Variants in PHLPP1 observed in about 807,000 individuals in gnomAD.
PHLPP1 encodes PH domain and leucine rich repeat protein phosphatase 1, also known as PH domain leucine-rich repeat-containing protein phosphatase 1.
A neutral mutation model predicts 117.2 loss-of-function variants in PHLPP1; 42 were observed. The ratio of observed to expected loss-of-function variants is 0.36; its 90% CI spans 0.28 to 0.46. The LOEUF (loss-of-function observed/expected upper bound fraction) is 0.46, where lower values mean the gene tolerates loss of function less well. PHLPP1 is among the 20% of genes least tolerant of loss of function. The probability of loss-of-function intolerance (pLI) is 1.00; values close to 1 mark genes in which losing one functional copy is unlikely to be tolerated. For synonymous variants in PHLPP1, 1,042 were observed against 970.7 expected (o/e 1.07, Z -1.37); for missense variants, 2,084 against 2,241.9 (o/e 0.93, Z 1.42).
At chr18:62,891,217 C>G (rs1916398942) in intron 4 of PHLPP1, among the ~76,000 whole-genome samples, 1 of 152,188 alleles carries the variant, frequency 6.6e-6, no homozygotes, top group African/African-American at 2.4e-5. Flanking sequence ...CTTCTTTGCT[C>G]TCAAATATTG....
chr18:62,884,657 C>T (rs2144387763), intron 4 of PHLPP1, among the ~76,000 whole-genome samples: 1 of 152,272 alleles, frequency 6.6e-6, no homozygotes, highest in Non-Finnish European at 1.5e-5. Context: ...GCATGTGCCC[C>T]ACAGAGGAAA....
intron 9 of PHLPP1, 79 bp downstream of exon 9, chr18:62,915,087 G>T (rs1259011711): frequency 3.0e-6 from 3 of 1,004,304 alleles, no homozygotes; most frequent in Non-Finnish European, 4.6e-6. Flanking sequence ...GTTTAACTTG[G>T]TATCATAAGC....
chr18:62,895,947 T>G lies in PHLPP1; in HGVS notation c.2380T>G (p.Cys794Gly). Reference protein sequence around the residue: ...AVDKLCMSGNCVETLRLQALR... With the variant: ...AVDKLCMSGNGVETLRLQALR... Reference sequence around the variant, plus strand: ...GGATAAACTTTGTATGTCTGGAAACTGTGTGGAGACCCTTAGGCTACAGGC... The same window carrying G: ...GGATAAACTTTGTATGTCTGGAAACGGTGTGGAGACCCTTAGGCTACAGGC... Residue 794 changes from cysteine to glycine, a missense_variant, in exon 6 of 17, where the codon TGT becomes GGT. This residue lies in a region of PHLPP1 where 1,365 missense variants were observed against 1,605.9 expected (regional missense o/e 0.85). Coordinates refer to ENST00000262719, the MANE Select transcript of PHLPP1 (RefSeq NM_194449.4). 6.2e-7 allele frequency: 1 copy of G among 1,613,890 alleles called. No homozygotes were observed.
chr18:62,896,714 C>G (rs1346293193), intron 6 of PHLPP1, among the ~76,000 whole-genome samples: 1 of 152,186 alleles, frequency 6.6e-6, no homozygotes, highest in African/African-American at 2.4e-5. Context: ...ATCTTCCTGC[C>G]TCAGCCTCCC....
At chr18:62,801,134 C>T (rs1913770233) in intron 1 of PHLPP1, among the ~76,000 whole-genome samples, 1 of 146,726 alleles carries the variant, frequency 6.8e-6, no homozygotes, top group East Asian at 2.1e-4. Flanking sequence ...CTGCAGCCTC[C>T]TTCTCCTGGG....
At chr18:62,767,274 C>T (rs1568110180) in intron 1 of PHLPP1, among the ~76,000 whole-genome samples, 1 of 152,152 alleles carries the variant, frequency 6.6e-6, no homozygotes, top group East Asian at 1.9e-4. Context: ...ACCGAGATTC[C>T]TTCAGCTTTT....
At chr18:62,885,327 A>T (rs1329209786) in intron 4 of PHLPP1, among the ~76,000 whole-genome samples, 1 of 152,140 alleles carries the variant, frequency 6.6e-6, no homozygotes, top group Non-Finnish European at 1.5e-5. Flanking sequence ...TAGAGGCCAG[A>T]CTCAAATAAG....
At chr18:62,789,675 T>C (rs1043772960) in intron 1 of PHLPP1, among the ~76,000 whole-genome samples, 2 of 152,150 alleles carry the variant, frequency 1.3e-5, no homozygotes, top group African/African-American at 4.8e-5. Context: ...AAGTTCCTGC[T>C]CTGTCTGGCT....
Position 62,972,723 on chromosome 18 carries a change from T to C in PHLPP1, c.3755+15T>C. 1 of 1,581,000 alleles carries C rather than the reference T, an allele frequency of 6.3e-7. No individual in the cohort carries two copies. On this transcript the variant is annotated intron_variant, in intron 15 of 16. Coordinates refer to ENST00000262719, the MANE Select transcript of PHLPP1 (RefSeq NM_194449.4). The stretch of plus-strand genomic sequence containing the variant: ...GTCATGCAAAGGTAAAACTCAGAGT[T>C]CCTGCTTACCTGCTGTGTGTTTTCT...
intron 5 of PHLPP1, among the ~76,000 whole-genome samples, 153 bp downstream of exon 5, chr18:62,895,310 G>A (rs1241638461): frequency 6.6e-6 from 1 of 152,182 alleles, no homozygotes; most frequent in African/African-American, 2.4e-5. Flanking sequence ...TCCGTATGGA[G>A]TTCATATGTT....
At chr18:62,964,881 G>T (rs1259874906) in intron 14 of PHLPP1, among the ~76,000 whole-genome samples, 1 of 151,944 alleles carries the variant, frequency 6.6e-6, no homozygotes, top group Non-Finnish European at 1.5e-5. Flanking sequence ...TGTCTTAATG[G>T]AGCAAGTAAC....
intron 1 of PHLPP1, among the ~76,000 whole-genome samples, chr18:62,799,088 T>C (rs2144297925): frequency 6.6e-6 from 1 of 152,250 alleles, no homozygotes; most frequent in Middle Eastern, 3.4e-3. Context: ...CTGAATGGAG[T>C]TCACAGACAA....
intron 1 of PHLPP1, among the ~76,000 whole-genome samples, chr18:62,766,076 A>AAAAAAAATATATATATATATAT: frequency 2.3e-4 from 5 of 21,658 alleles, no homozygotes; most frequent in Admixed American, 7.9e-4. Flanking sequence ...AAAAAAAAAA[A>AAAAAAAATATATATATATATAT]ATATATATAT....
intron 1 of PHLPP1, among the ~76,000 whole-genome samples, chr18:62,758,059 A>C (rs1912085596): frequency 6.6e-6 from 1 of 152,250 alleles, no homozygotes; most frequent in Non-Finnish European, 1.5e-5. Flanking sequence ...CGACCCCATG[A>C]GCGGAGCTTC....
intron 4 of PHLPP1, among the ~76,000 whole-genome samples, chr18:62,864,005 A>G (rs199689763): frequency 2.1e-5 from 2 of 95,094 alleles, no homozygotes; most frequent in South Asian, 2.8e-4. Context: ...TTAAAAATTT[A>G]TTTGTTTATT....
chr18:62,799,158 A>G (rs1463677545), intron 1 of PHLPP1, among the ~76,000 whole-genome samples: 1 of 152,220 alleles, frequency 6.6e-6, no homozygotes, highest in Non-Finnish European at 1.5e-5. Context: ...TCACTCATAA[A>G]GAGGAAGAAA....
intron 4 of PHLPP1, among the ~76,000 whole-genome samples, chr18:62,863,186 C>T (rs372195482): frequency 2.3e-4 from 35 of 151,194 alleles, no homozygotes; most frequent in African/African-American, 8.5e-4. Context: ...TCTCTCTTTT[C>T]TCTCTCTCTT....
intron 1 of PHLPP1, among the ~76,000 whole-genome samples, chr18:62,755,348 C>T (rs894001468): frequency 1.3e-5 from 2 of 152,124 alleles, no homozygotes; most frequent in African/African-American, 2.4e-5. Flanking sequence ...TAAGTAACTC[C>T]TTCCCCTCTA....
At chr18:62,976,577 G>A (rs1009653877) in intron 16 of PHLPP1, among the ~76,000 whole-genome samples, 33 of 152,204 alleles carry the variant, frequency 2.2e-4, no homozygotes, top group African/African-American at 7.7e-4. Flanking sequence ...ACATTAGACT[G>A]TCTTCTGCTC....
Sources: gnomAD v4.1 joint callset for allele counts (sites outside exome capture counted in the v4.1 genomes callset) on GRCh38, gnomAD v4.1.1 for gene constraint, gnomAD v4.1.1 regional missense constraint, MANE v1.5 for transcripts, NCBI Gene and HGNC (gene_info 2026-07-23, HGNC 2026-07-21) for gene names.